ANO9: variants seen among roughly 807,000 people sequenced by gnomAD.
ANO9 encodes the protein anoctamin 9.
Under a neutral mutation model 100.5 loss-of-function variants are expected in ANO9, and 80 were observed. The observed-to-expected ratio is 0.80, with a 90% CI of 0.66 to 0.96. The LOEUF (loss-of-function observed/expected upper bound fraction) is 0.96. Among genes scored for constraint, ANO9 ranks in the 40% least tolerant of loss-of-function variants. ANO9 has a pLI of 0.00. For missense variants in ANO9, 1,064 were observed against 1,072.7 expected (o/e 0.99, Z 0.11); for synonymous variants, 473 against 435.6 (o/e 1.09, Z -1.07).
chr11:419,822 G>A (rs1848066672), intron 19 of ANO9, 93 bp from the exon 20 acceptor site: 1 of 1,548,442 alleles, frequency 6.5e-7, no homozygotes, highest in East Asian at 2.3e-5. Flanking sequence ...GGCCTGCCGT[G>A]TCTCTGTGCG....
chr11:427,453 C>T (rs1306763961), intron 15 of ANO9, among the ~76,000 whole-genome samples: 1 of 151,972 alleles, frequency 6.6e-6, no homozygotes, highest in Non-Finnish European at 1.5e-5. Flanking sequence ...TTTTTTTGGC[C>T]AGGTGCAGTG....
chr11:419,683 A>T lies in ANO9; in HGVS notation c.1833T>A (p.Ile611=), dbSNP rs201287062. The T allele has an allele frequency of 3.1e-6, 5 of 1,610,264 alleles. No individual in the cohort carries two copies. The African/African-American group carries it at 6.9e-5, about 22-fold the overall frequency. ...VLETIGVLAV[I]ANGMVIAFTS... ...TGAAGGCAATGACCATCCCATTGGC[A>T]ATGACCGCCAGCACACCGATGGTCT... Residue 611 remains isoleucine (I), a synonymous_variant, in exon 20 of 23, where the codon ATT becomes ATA. Coordinates refer to ENST00000332826, the MANE Select transcript of ANO9 (RefSeq NM_001012302.3).
At chr11:433,694 G>C in intron 3 of ANO9, 121 bp downstream of exon 3, 1 of 1,447,956 alleles carries the variant, frequency 6.9e-7, no homozygotes, top group Non-Finnish European at 9.1e-7. Context: ...CCTCCGTGCC[G>C]CCATGACCGG....
In ANO9 at chr11:428,213, G is replaced by A. The variant is rs761566738; in HGVS notation, c.1223-14C>T. The A allele has an allele frequency of 1.8e-5, 29 of 1,610,854 alleles. No individual in the cohort carries two copies. Among genetic ancestry groups the A allele is most frequent in the South Asian group, 5.5e-5 (5 of 90,896 alleles). On this transcript the variant is annotated splice_polypyrimidine_tract_variant and intron_variant, in intron 14 of 22. Transcript: ENST00000332826. ...TCCTGGGCATCTCTGGAATGGGACC[G>A]GCCCTCACCTCTCTCCCTGCTCATA...
chr11:437,660 G>A (rs962982840), intron 1 of ANO9, among the ~76,000 whole-genome samples: 9 of 151,314 alleles, frequency 5.9e-5, no homozygotes, highest in Non-Finnish European at 2.9e-5. Context: ...GGCAGGAGAG[G>A]CACCTCTGTC....
At position 421,726 on chromosome 11, in the gene ANO9, T is replaced by A. The variant is rs981546103; in HGVS notation, c.1335-528A>T. 3.3e-5 allele frequency among the ~76,000 whole-genome samples: 5 copies of A among 152,224 alleles called. No homozygotes were observed. The highest frequency in any genetic ancestry group is 7.3e-5 in the Non-Finnish European group (5 of 68,048). ...AGTGTCTGTTACGAGTGGCCTCGGTTTCTCCCCGTGGAAACGGCACGATGG... is the reference window on the plus strand; with the variant it reads ...AGTGTCTGTTACGAGTGGCCTCGGTATCTCCCCGTGGAAACGGCACGATGG... On this transcript the variant is annotated intron_variant, in intron 15 of 22. Coordinates refer to ENST00000332826, the MANE Select transcript of ANO9 (RefSeq NM_001012302.3). This position sits in a 1 kb window ranked among gnomAD's most constrained non-coding sequence, Gnocchi z 6.8.
chr11:437,650 G>C (rs1288651881), intron 1 of ANO9, among the ~76,000 whole-genome samples: 1 of 152,212 alleles, frequency 6.6e-6, no homozygotes. Flanking sequence ...CACCTGCCCA[G>C]GCAGGAGAGG....
chr11:426,551 C>T (rs1433384932), intron 15 of ANO9, among the ~76,000 whole-genome samples: 1 of 151,848 alleles, frequency 6.6e-6, no homozygotes, highest in Non-Finnish European at 1.5e-5. Flanking sequence ...CAGCCTGGGG[C>T]AATGGATCAA....
At position 431,995 on chromosome 11, in the gene ANO9, T is replaced by C. The variant is rs1849049643; in HGVS notation, c.406+4A>G. The C allele has an allele frequency of 6.2e-7, 1 of 1,612,892 alleles. No individual in the cohort carries two copies. The highest frequency in any genetic ancestry group is 1.3e-5 in the African/African-American group (1 of 74,842). On this transcript the variant is annotated splice_donor_region_variant and intron_variant, in intron 5 of 22. Coordinates refer to ENST00000332826, the MANE Select transcript of ANO9 (RefSeq NM_001012302.3). ...CCCTGTCAGTGCCCCACCCCTGCCCTTACCACCAGCCGAGGTCTTGTTGTT... is the reference window on the plus strand; with the variant it reads ...CCCTGTCAGTGCCCCACCCCTGCCCCTACCACCAGCCGAGGTCTTGTTGTT...
intron 4 of ANO9, 92 bp downstream of exon 4, chr11:433,222 C>T: frequency 6.6e-7 from 1 of 1,507,352 alleles, no homozygotes; most frequent in Non-Finnish European, 8.9e-7. Flanking sequence ...TTGGCGACGC[C>T]TGGAGCCTGG....
chr11:437,518 T>C (rs1345736065), intron 1 of ANO9, among the ~76,000 whole-genome samples: 1 of 152,200 alleles, frequency 6.6e-6, no homozygotes, highest in Non-Finnish European at 1.5e-5. Context: ...TCCTTGGCCT[T>C]CCCGACAGCC....
chr11:420,057 G>A, intron 19 of ANO9: 1 of 1,319,068 alleles, frequency 7.6e-7, no homozygotes, highest in Non-Finnish European at 9.7e-7. Flanking sequence ...CCCGAGACTG[G>A]GGGCCTCCCT....
intron 1 of ANO9, among the ~76,000 whole-genome samples, chr11:438,165 G>T (rs1392284999): frequency 1.3e-5 from 2 of 152,050 alleles, no homozygotes; most frequent in East Asian, 3.9e-4. Flanking sequence ...AGCCTCCCCT[G>T]GGGAATGGGG....
At chr11:431,661 C>T (rs762588347) in intron 7 of ANO9, 33 bp downstream of exon 7, 3 of 1,609,368 alleles carry the variant, frequency 1.9e-6, no homozygotes, top group Non-Finnish European at 2.5e-6. Context: ...GGGCCGTCCG[C>T]GGGGTTCCTG....
rs560991730 is a variant in ANO9 at position 421,450 on chromosome 11, C to A, written c.1335-252G>T. Among the ~76,000 whole-genome samples, 2 of 116,324 alleles carry A rather than the reference C, an allele frequency of 1.7e-5. No individual in the cohort carries two copies. Among genetic ancestry groups the A allele is most frequent in the African/African-American group, 6.9e-5 (2 of 28,918 alleles). The allele number at this position is 116,324 out of a possible 152,430, so 76.3% of individuals were successfully genotyped here. ...CCACACGTGGGCGCGCGCACACACA[C>A]ACACACCCCCACACAGGGGAGGCCA... On this transcript the variant is annotated intron_variant, in intron 15 of 22. Coordinates refer to ENST00000332826, the MANE Select transcript of ANO9 (RefSeq NM_001012302.3). The surrounding 1 kb of genome is among the most constrained non-coding windows in gnomAD (Gnocchi z 6.8).
Position 422,341 on chromosome 11 carries a change from C to A in ANO9, c.1335-1143G>T, listed in dbSNP as rs1279554169. 1.3e-5 allele frequency among the ~76,000 whole-genome samples: 2 copies of A among 152,236 alleles called. No individual in the cohort carries two copies. Among genetic ancestry groups the A allele is most frequent in the Admixed American group, 6.5e-5 (1 of 15,286 alleles). On this transcript the variant is annotated intron_variant, in intron 15 of 22. Transcript: ENST00000332826. This position sits in a 1 kb window ranked among gnomAD's most constrained non-coding sequence, Gnocchi z 4.3. Reference sequence around the variant, plus strand: ...GACGTCCACGTGCTCATTCTTGGAGCCTGTGACCACGTTCTTACCTGGCAA... The same window carrying A: ...GACGTCCACGTGCTCATTCTTGGAGACTGTGACCACGTTCTTACCTGGCAA...
chr11:441,725 C>A (rs1289395713), intron 1 of ANO9, among the ~76,000 whole-genome samples, 196 bp downstream of exon 1: 1 of 152,150 alleles, frequency 6.6e-6, no homozygotes, highest in Non-Finnish European at 1.5e-5. Context: ...CAACCCCCAG[C>A]GTGCCCCAGG....
At chr11:424,295 A>G (rs1001279170) in intron 15 of ANO9, among the ~76,000 whole-genome samples, 6 of 152,228 alleles carry the variant, frequency 3.9e-5, no homozygotes, top group African/African-American at 1.4e-4. Flanking sequence ...AACATGAGAA[A>G]CCAGGTAGAT....
chr11:420,831 C>G lies in ANO9; in HGVS notation c.1520G>C (p.Arg507Pro), dbSNP rs769507915. 6.3e-7 allele frequency: 1 copy of G among 1,590,748 alleles called. No individual in the cohort carries two copies. The highest frequency in any genetic ancestry group is 1.1e-5 in the South Asian group (1 of 89,596). Residue 507 changes from arginine to proline, a missense_variant, in exon 18 of 23, where the codon CGG becomes CCG. Coordinates refer to ENST00000332826, the MANE Select transcript of ANO9 (RefSeq NM_001012302.3). ...GGGCAGGTGCCCGGACTCGGAGGCC[C>G]GCAGAGAGCGGCACTTGTGGGTCAC... The part of the protein sequence containing the change: ...PWVTHKCRSL[R>P]ASESGHLPRD...
Sources: gnomAD v4.1 joint callset for allele counts (sites outside exome capture counted in the v4.1 genomes callset) on GRCh38, gnomAD v4.1.1 for gene constraint, Gnocchi (gnomAD v3.1) non-coding constraint, MANE v1.5 for transcripts, NCBI Gene and HGNC (gene_info 2026-07-23, HGNC 2026-07-21) for gene names.